Variants in KCNQ5 observed in about 807,000 individuals in gnomAD.
The protein encoded by KCNQ5 is potassium voltage-gated channel subfamily KQT member 5.
KCNQ5 carries 30 observed loss-of-function variants against 98.2 expected under a neutral mutation model. That is an observed-to-expected ratio of 0.31 (90% CI 0.23 to 0.41). The LOEUF (loss-of-function observed/expected upper bound fraction) is 0.41. KCNQ5 is among the 10% of genes least tolerant of loss of function. KCNQ5 has a pLI of 1.00. For missense variants in KCNQ5, 835 were observed against 1,182.5 expected (o/e 0.71, Z 4.31); for synonymous variants, 458 against 449.4 (o/e 1.02, Z -0.24).
intron 1 of KCNQ5, among the ~76,000 whole-genome samples, chr6:72,690,538 C>T (rs1768163275): frequency 6.6e-6 from 1 of 152,080 alleles, no homozygotes; most frequent in Non-Finnish European, 1.5e-5. Flanking sequence ...ATCAAGTTTA[C>T]TTAATGTAAA....
At chr6:72,713,339 G>A (rs1252042354) in intron 1 of KCNQ5, among the ~76,000 whole-genome samples, 1 of 152,130 alleles carries the variant, frequency 6.6e-6, no homozygotes, top group Non-Finnish European at 1.5e-5. Context: ...GCCTCTGAAA[G>A]GCTTTTCCTA....
At chr6:72,685,925 A>G (rs190997573) in intron 1 of KCNQ5, among the ~76,000 whole-genome samples, 1 of 152,280 alleles carries the variant, frequency 6.6e-6, no homozygotes, top group Admixed American at 6.5e-5. Context: ...ATGCCAACAG[A>G]TTCAATTCTT....
At chr6:73,188,726 T>G (rs1337361623) in intron 11 of KCNQ5, among the ~76,000 whole-genome samples, 1 of 152,194 alleles carries the variant, frequency 6.6e-6, no homozygotes, top group East Asian at 1.9e-4. Flanking sequence ...GGCTCACGCC[T>G]GTAATCCCAG....
At chr6:72,847,937 A>G (rs977244927) in intron 1 of KCNQ5, among the ~76,000 whole-genome samples, 2 of 152,098 alleles carry the variant, frequency 1.3e-5, no homozygotes, top group Non-Finnish European at 2.9e-5. Context: ...TACTGGTATA[A>G]TCAAAATAAT....
intron 1 of KCNQ5, among the ~76,000 whole-genome samples, chr6:72,629,258 T>TAGAGA (rs964731997): frequency 5.3e-5 from 8 of 152,226 alleles, no homozygotes; most frequent in Admixed American, 2.6e-4. Flanking sequence ...TAAGTTTATG[T>TAGAGA]CTGTAGAGAC....
At chr6:72,839,275 T>C (rs1776679352) in intron 1 of KCNQ5, among the ~76,000 whole-genome samples, 1 of 152,226 alleles carries the variant, frequency 6.6e-6, no homozygotes, top group Admixed American at 6.5e-5. Context: ...TTATTTTTAT[T>C]TTCTCTGAAG....
At chr6:73,065,604 A>G (rs577130227) in intron 3 of KCNQ5, among the ~76,000 whole-genome samples, 1 of 152,330 alleles carries the variant, frequency 6.6e-6, no homozygotes, top group South Asian at 2.1e-4. Flanking sequence ...TGCCGCTATC[A>G]TATAATACTT....
chr6:72,779,442 G>A (rs780271172), intron 1 of KCNQ5, among the ~76,000 whole-genome samples: 2 of 152,166 alleles, frequency 1.3e-5, no homozygotes, highest in African/African-American at 2.4e-5. Flanking sequence ...ACAGAAGGGA[G>A]TTGAAAGAGT....
At chr6:73,052,575 G>A (rs1009216400) in intron 3 of KCNQ5, among the ~76,000 whole-genome samples, 1 of 152,180 alleles carries the variant, frequency 6.6e-6, no homozygotes, top group Non-Finnish European at 1.5e-5. Flanking sequence ...AGAGATTGAG[G>A]ACCTATATTC....
At chr6:72,830,461 C>G (rs1776206681) in intron 1 of KCNQ5, among the ~76,000 whole-genome samples, 1 of 152,206 alleles carries the variant, frequency 6.6e-6, no homozygotes, top group African/African-American at 2.4e-5. Flanking sequence ...TTTGACAAAC[C>G]TGACAAAAAC....
At chr6:72,873,195 T>C (rs937014527) in intron 1 of KCNQ5, among the ~76,000 whole-genome samples, 1 of 152,152 alleles carries the variant, frequency 6.6e-6, no homozygotes, top group African/African-American at 2.4e-5. Context: ...CTCTTCTCTC[T>C]GTTATTAATA....
intron 1 of KCNQ5, among the ~76,000 whole-genome samples, chr6:72,747,869 T>G (rs1421851890): frequency 6.6e-6 from 1 of 152,196 alleles, no homozygotes; most frequent in Non-Finnish European, 1.5e-5. Context: ...CTACTAGGTT[T>G]ATAAATAAAG....
chr6:73,142,902 G>A (rs1485501907), intron 10 of KCNQ5, among the ~76,000 whole-genome samples: 1 of 152,130 alleles, frequency 6.6e-6, no homozygotes, highest in Non-Finnish European at 1.5e-5. Context: ...GGCGACAAGA[G>A]CAAGACTCCA....
At chr6:72,786,885 A>G (rs1054392181) in intron 1 of KCNQ5, among the ~76,000 whole-genome samples, 1 of 151,548 alleles carries the variant, frequency 6.6e-6, no homozygotes, top group African/African-American at 2.4e-5. Context: ...GGGCACCTGT[A>G]GTCCCAGCTA....
intron 10 of KCNQ5, among the ~76,000 whole-genome samples, chr6:73,168,711 CA>C (rs34691086): frequency 3.4e-4 from 48 of 141,068 alleles, no homozygotes; most frequent in East Asian, 2.0e-3. Flanking sequence ...GACTTTTTCT[CA>C]AAAAAAAAAA....
chr6:73,171,570 A>C (rs1411724911), intron 11 of KCNQ5, among the ~76,000 whole-genome samples: 1 of 152,238 alleles, frequency 6.6e-6, no homozygotes, highest in East Asian at 1.9e-4. Context: ...ATTTGAATTA[A>C]TTAAAATGAA....
intron 1 of KCNQ5, among the ~76,000 whole-genome samples, chr6:72,890,762 G>A (rs926079422): frequency 5.3e-5 from 8 of 152,292 alleles, no homozygotes; most frequent in African/African-American, 1.7e-4. Context: ...CTTTGCAAAA[G>A]CCCCACATCA....
At chr6:73,180,434 G>A (rs1054017586) in intron 11 of KCNQ5, among the ~76,000 whole-genome samples, 3 of 152,170 alleles carry the variant, frequency 2.0e-5, no homozygotes, top group African/African-American at 4.8e-5. Flanking sequence ...ACTCAAGGAC[G>A]GGGAAGCATT....
intron 1 of KCNQ5, among the ~76,000 whole-genome samples, chr6:72,699,143 G>A (rs928305866): frequency 1.3e-5 from 2 of 152,098 alleles, no homozygotes; most frequent in Admixed American, 6.6e-5. Context: ...AGGGTAAGAT[G>A]GTACATGAAT....
Sources: gnomAD v4.1 joint callset for allele counts (sites outside exome capture counted in the v4.1 genomes callset) on GRCh38, gnomAD v4.1.1 for gene constraint, MANE v1.5 for transcripts, NCBI Gene and HGNC (gene_info 2026-07-23, HGNC 2026-07-21) for gene names.